Variants in MLLT3 observed in about 807,000 individuals in gnomAD.
The protein encoded by MLLT3 is protein AF-9.
MLLT3 carries 4 observed loss-of-function variants against 53.2 expected under a neutral mutation model. The ratio of observed to expected loss-of-function variants is 0.08; its 90% CI spans 0.04 to 0.17. MLLT3 has a LOEUF of 0.17. Among genes scored for constraint, MLLT3 ranks in the 10% least tolerant of loss-of-function variants. MLLT3 has a pLI of 1.00. For synonymous variants in MLLT3, 283 were observed against 230.6 expected (o/e 1.23, Z -2.06); for missense variants, 569 against 684.0 (o/e 0.83, Z 1.87).
intron 2 of MLLT3, among the ~76,000 whole-genome samples, chr9:20,540,236 G>A (rs1209461774): frequency 3.9e-5 from 6 of 152,104 alleles, no homozygotes; most frequent in Non-Finnish European, 7.4e-5. Flanking sequence ...ACAGTGCAAG[G>A]TGTCACTGGA....
intron 2 of MLLT3, among the ~76,000 whole-genome samples, chr9:20,506,218 C>T (rs1050434023): frequency 2.6e-5 from 4 of 152,136 alleles, no homozygotes; most frequent in Admixed American, 2.6e-4. Flanking sequence ...CCACGCCCAG[C>T]TAGTTTGAGA....
intron 5 of MLLT3, chr9:20,380,342 C>A (rs1821877305): frequency 6.6e-6 from 1 of 151,914 alleles, no homozygotes; most frequent in Non-Finnish European, 1.5e-5. Flanking sequence ...TCAATTAGAA[C>A]AACAGCACAC....
intron 2 of MLLT3, among the ~76,000 whole-genome samples, chr9:20,554,752 T>C (rs1819011128): frequency 6.6e-6 from 1 of 152,240 alleles, no homozygotes; most frequent in Admixed American, 6.5e-5. Context: ...ATATACTTAG[T>C]ACAAGGCATC....
chr9:20,528,032 T>C (rs76246378), intron 2 of MLLT3, among the ~76,000 whole-genome samples: 1 of 152,374 alleles, frequency 6.6e-6, no homozygotes, highest in South Asian at 2.1e-4. Context: ...TCCCTAATTA[T>C]CTGTAACGTT....
chr9:20,411,898 C>T (rs968018141), intron 5 of MLLT3: 8 of 152,130 alleles, frequency 5.3e-5, no homozygotes, highest in South Asian at 4.2e-4. Flanking sequence ...TCTCATAAAT[C>T]GGCAAACATT....
At chr9:20,467,868 G>A (rs545011299) in intron 2 of MLLT3, among the ~76,000 whole-genome samples, 1 of 152,328 alleles carries the variant, frequency 6.6e-6, no homozygotes, top group Non-Finnish European at 1.5e-5. Context: ...GAAGCTTACT[G>A]TAATAATTGG....
At position 20,620,728 on chromosome 9, in the gene MLLT3, T is replaced by C. The variant is rs753346268; in HGVS notation, c.119A>G (p.Glu40Gly). The C allele has an allele frequency of 3.7e-6, 6 of 1,614,082 alleles. No homozygotes were observed. The highest frequency in any genetic ancestry group is 1.3e-5 in the African/African-American group (1 of 74,932). ...CACAAAGTGCTGTATGTTACTGTGC[T>C]CCGGACCGCGTACGAACACCATCCA... is the stretch of plus-strand genomic sequence containing the variant. ...HDWMVFVRGPEHSNIQHFVEK... is the reference protein window; with the variant it reads ...HDWMVFVRGPGHSNIQHFVEK... The change falls in exon 2 of 11, where the codon GAG becomes GGG. Residue 40 changes from glutamate to glycine, a missense_variant. By Grantham distance (98) the Glu-to-Gly change is moderately conservative. This residue lies in a region of MLLT3 where 35 missense variants were observed against 136.8 expected (regional missense o/e 0.26). Coordinates refer to ENST00000380338, the MANE Select transcript of MLLT3 (RefSeq NM_004529.4). This position sits in a 1 kb window ranked among gnomAD's most constrained non-coding sequence, Gnocchi z 6.1.
chr9:20,593,876 T>C (rs1820186625), intron 2 of MLLT3, among the ~76,000 whole-genome samples: 1 of 152,208 alleles, frequency 6.6e-6, no homozygotes, highest in South Asian at 2.1e-4. Flanking sequence ...AGCTTTACTC[T>C]TGTAGAATAC....
intron 3 of MLLT3, among the ~76,000 whole-genome samples, chr9:20,452,274 T>G (rs377239308): frequency 2.0e-5 from 3 of 152,194 alleles, no homozygotes; most frequent in East Asian, 3.9e-4. Flanking sequence ...GGGAGGTAAT[T>G]AGATTATGGG....
At chr9:20,585,805 T>C (rs1205770024) in intron 2 of MLLT3, among the ~76,000 whole-genome samples, 2 of 152,198 alleles carry the variant, frequency 1.3e-5, no homozygotes, top group Non-Finnish European at 2.9e-5. Context: ...TTATTAGAAA[T>C]GCAGAAGATT....
At chr9:20,566,498 G>A (rs1390367665) in intron 2 of MLLT3, among the ~76,000 whole-genome samples, 10 of 152,036 alleles carry the variant, frequency 6.6e-5, no homozygotes, top group Non-Finnish European at 1.3e-4. Flanking sequence ...CATTTGTTAT[G>A]TATCCTTCCA....
chr9:20,596,739 T>C (rs1484124768), intron 2 of MLLT3, among the ~76,000 whole-genome samples: 1 of 152,120 alleles, frequency 6.6e-6, no homozygotes, highest in Non-Finnish European at 1.5e-5. Flanking sequence ...CTTGAAAACA[T>C]TAAAAATGTA....
chr9:20,370,666 A>C (rs1821576300), intron 5 of MLLT3, among the ~76,000 whole-genome samples: 1 of 151,994 alleles, frequency 6.6e-6, no homozygotes, highest in Admixed American at 6.6e-5. Context: ...GTGCACCAAC[A>C]CGCCTAGCTA....
intron 4 of MLLT3, among the ~76,000 whole-genome samples, chr9:20,437,560 C>T (rs962915539): frequency 3.9e-5 from 6 of 151,972 alleles, no homozygotes; most frequent in African/African-American, 1.5e-4. Flanking sequence ...TCCCTTCTCT[C>T]AAGAGTAGGA....
Position 20,556,270 on chromosome 9 carries a change from A to G in MLLT3, c.193+64384T>C, listed in dbSNP as rs562691653. On this transcript the variant is annotated intron_variant, in intron 2 of 10. Transcript: ENST00000380338. ...ATTTATACAATTACTTCTGGATTAA[A>G]TAATCCTTGAGGCATAGGATATTTT... is the stretch of plus-strand genomic sequence containing the variant. Among the ~76,000 whole-genome samples the G allele has an allele frequency of 1.9e-3, 282 of 152,362 alleles. 2 individuals carry two copies. Among genetic ancestry groups the G allele is most frequent in the African/African-American group, 6.5e-3 (270 of 41,586 alleles).
chr9:20,366,633 T>C (rs1292685374), intron 5 of MLLT3, among the ~76,000 whole-genome samples: 1 of 152,216 alleles, frequency 6.6e-6, no homozygotes, highest in East Asian at 1.9e-4. Flanking sequence ...TCTTCCACAA[T>C]GGTTGAACTA....
In MLLT3 at chr9:20,561,989, C is replaced by T. The variant is rs143086839; in HGVS notation, c.193+58665G>A. 3.9e-5 allele frequency among the ~76,000 whole-genome samples: 6 copies of T among 152,056 alleles called. No individual in the cohort carries two copies. The East Asian group carries it at 1.2e-3, about 29-fold the overall frequency. On this transcript the variant is annotated intron_variant, in intron 2 of 10. Coordinates refer to ENST00000380338, the MANE Select transcript of MLLT3 (RefSeq NM_004529.4). ...TTAGGGAACAGAAGTAAGGACATCA[C>T]CAAGGGGAGATGGAGAGAATCCTAA...
chr9:20,526,660 C>G (rs1464203319), intron 2 of MLLT3, among the ~76,000 whole-genome samples: 1 of 152,150 alleles, frequency 6.6e-6, no homozygotes, highest in East Asian at 1.9e-4. Flanking sequence ...CATGTACCCA[C>G]ACACACATAT....
intron 2 of MLLT3, among the ~76,000 whole-genome samples, chr9:20,547,958 AAAAC>A (rs1325835460): frequency 1.3e-5 from 2 of 152,206 alleles, no homozygotes; most frequent in East Asian, 3.9e-4. Context: ...TCTCAAAAAT[AAAAC>A]AAAATAAAAG....
Sources: gnomAD v4.1 joint callset for allele counts (sites outside exome capture counted in the v4.1 genomes callset) on GRCh38, gnomAD v4.1.1 for gene constraint, gnomAD v4.1.1 regional missense constraint, Gnocchi (gnomAD v3.1) non-coding constraint, MANE v1.5 for transcripts, NCBI Gene and HGNC (gene_info 2026-07-23, HGNC 2026-07-21) for gene names.